CHST15: variants seen among roughly 807,000 people sequenced by gnomAD.
CHST15 encodes B cell RAG associated protein (GALNAC4S-6ST).
In CHST15, 30 loss-of-function variants were observed where a neutral mutation model predicts 53.6. The observed-to-expected ratio is 0.56, with a 90% CI of 0.42 to 0.76. The LOEUF is 0.76. CHST15 is among the 30% of genes least tolerant of loss of function. The pLI is 0.00. For missense variants in CHST15, 627 were observed against 740.5 expected, an observed-to-expected ratio of 0.85 and a Z score of 1.78; for synonymous variants, 296 against 289.8, an observed-to-expected ratio of 1.02 and a Z score of -0.22.
intron 1 of CHST15, among the ~76,000 whole-genome samples, chr10:124,077,783 G>C (rs1276652243): frequency 6.6e-6 from 1 of 152,230 alleles, no homozygotes; most frequent in Non-Finnish European, 1.5e-5. Flanking sequence ...GGCCGAGCCT[G>C]AGCAGCTCGC....
At chr10:124,039,225 A>G (rs925031310) in intron 4 of CHST15, among the ~76,000 whole-genome samples, 2 of 152,210 alleles carry the variant, frequency 1.3e-5, no homozygotes, top group Admixed American at 1.3e-4. Context: ...GGGGCCCAAG[A>G]TGATGAAAGG....
intron 5 of CHST15, among the ~76,000 whole-genome samples, chr10:124,023,832 A>G (rs548861490): frequency 6.8e-6 from 1 of 146,438 alleles, no homozygotes; most frequent in African/African-American, 2.5e-5. Context: ...TCTGACATCC[A>G]TATTTCCGTC....
intron 1 of CHST15, among the ~76,000 whole-genome samples, chr10:124,053,488 TTTTTC>T (rs1453919216): frequency 6.6e-6 from 1 of 151,790 alleles, no homozygotes; most frequent in African/African-American, 2.4e-5. Context: ...AAAGGGTTGA[TTTTTC>T]TTTTCTTTTT....
intron 1 of CHST15, among the ~76,000 whole-genome samples, chr10:124,087,321 T>C (rs1468390975): frequency 1.3e-5 from 2 of 152,170 alleles, no homozygotes; most frequent in Non-Finnish European, 2.9e-5. Flanking sequence ...TCTCCTTGTA[T>C]GCCCTCCCCC....
intron 5 of CHST15, among the ~76,000 whole-genome samples, chr10:124,034,453 G>C (rs1947342959): frequency 6.6e-6 from 1 of 152,004 alleles, no homozygotes; most frequent in Non-Finnish European, 1.5e-5. Context: ...ACTCACCTTT[G>C]TGGTGTTGGT....
At chr10:124,030,081 G>A (rs4244797) in intron 5 of CHST15, among the ~76,000 whole-genome samples, 124,454 of 152,212 alleles carry the variant, frequency 0.82, 51,039 homozygotes, top group East Asian at 0.92. Flanking sequence ...ACAGTGTTCA[G>A]CACTTGGGAG....
intron 6 of CHST15, 180 bp downstream of exon 6, chr10:124,021,076 A>G: frequency 6.8e-7 from 1 of 1,465,814 alleles, no homozygotes; most frequent in Non-Finnish European, 9.0e-7. Flanking sequence ...CCAGACCAAG[A>G]GCCCATCAGT....
At chr10:124,078,142 T>A (rs1488112696) in intron 1 of CHST15, among the ~76,000 whole-genome samples, 1 of 152,128 alleles carries the variant, frequency 6.6e-6, no homozygotes, top group Admixed American at 6.5e-5. Flanking sequence ...CCTCTTGCAT[T>A]GCAGGTAAAG....
Position 124,019,070 on chromosome 10 carries a change from C to A in CHST15, c.1347+2186G>T, listed in dbSNP as rs187124063. Among the ~76,000 whole-genome samples, 1 of 152,118 alleles carries A rather than the reference C, an allele frequency of 6.6e-6. No homozygotes were observed. Among genetic ancestry groups the A allele is most frequent in the Non-Finnish European group, 1.5e-5 (1 of 68,020 alleles). ...ATGCCAGGACTGAAGGTCCTCCATG[C>A]GAGGCCTGCAGGATGGAAGAGCCAC... On this transcript the variant is annotated intron_variant, in intron 6 of 7. Coordinates refer to ENST00000435907, the MANE Select transcript of CHST15 (RefSeq NM_001270764.2). This position sits in a 1 kb window ranked among gnomAD's most constrained non-coding sequence, Gnocchi z 4.6.
Position 124,010,844 on chromosome 10 carries a change from T to C in CHST15, c.1496-505A>G, listed in dbSNP as rs911450698. ...TGTGCGTCTTGCTGTGAAGTGGCCATAGGGAGGAGGGCTGGGAGGAGGCCA... is the reference window on the plus strand; with the variant it reads ...TGTGCGTCTTGCTGTGAAGTGGCCACAGGGAGGAGGGCTGGGAGGAGGCCA... On this transcript the variant is annotated intron_variant, in intron 7 of 7. Transcript: ENST00000435907. The C allele has an allele frequency of 5.1e-6, 5 of 985,232 alleles. No individual in the cohort carries two copies. The African/African-American group carries it at 5.2e-5, about 10-fold the overall frequency. 61.0% of individuals were successfully genotyped at this position (985,232 alleles called of 1,614,324 possible).
chr10:124,081,011 C>T (rs576201351), intron 1 of CHST15, among the ~76,000 whole-genome samples: 2 of 152,318 alleles, frequency 1.3e-5, no homozygotes, highest in South Asian at 4.1e-4. Flanking sequence ...AAGGAGACTC[C>T]TGGGCCTCCA....
At position 124,068,505 on chromosome 10, in the gene CHST15, G is replaced by A. The variant is rs532065832; in HGVS notation, c.-512-21781C>T. 3.3e-5 allele frequency among the ~76,000 whole-genome samples: 5 copies of A among 152,290 alleles called. No individual in the cohort carries two copies. In the South Asian group the frequency reaches 1.0e-3, roughly 32 times the overall value. The stretch of plus-strand genomic sequence containing the variant: ...CCTGCTCTTTGGCTTTTTAGCTGAT[G>A]GGCCGGGTACATGTCCAGTCTGGTC... On this transcript the variant is annotated intron_variant, in intron 1 of 7. Transcript: ENST00000435907.
At chr10:124,063,432 T>C (rs957394184) in intron 1 of CHST15, among the ~76,000 whole-genome samples, 5 of 152,084 alleles carry the variant, frequency 3.3e-5, no homozygotes, top group African/African-American at 1.2e-4. Flanking sequence ...CAATTTCCTC[T>C]AGCTTTTTAG....
At chr10:124,066,041 T>C (rs1948741636) in intron 1 of CHST15, among the ~76,000 whole-genome samples, 1 of 134,702 alleles carries the variant, frequency 7.4e-6, no homozygotes, top group African/African-American at 2.7e-5. Flanking sequence ...TTCTGTCTTT[T>C]TGTCTTTTTT....
At chr10:124,082,717 G>A (rs78460654) in intron 1 of CHST15, among the ~76,000 whole-genome samples, 2,183 of 152,306 alleles carry the variant, frequency 0.014, 70 homozygotes, top group East Asian at 0.11. Context: ...CTATCCCTGC[G>A]ATGGAATATT....
chr10:124,061,436 T>A (rs2134101987), intron 1 of CHST15, among the ~76,000 whole-genome samples: 1 of 152,352 alleles, frequency 6.6e-6, no homozygotes, highest in Admixed American at 6.5e-5. Context: ...CCCACCATGA[T>A]TCTGGGTCCT....
chr10:124,040,090 A>G (rs1947679561), intron 4 of CHST15, among the ~76,000 whole-genome samples: 1 of 152,150 alleles, frequency 6.6e-6, no homozygotes, highest in South Asian at 2.1e-4. Context: ...TGAAAATTCT[A>G]CTCACAATGA....
In CHST15 at chr10:124,077,542, G is replaced by A. The variant is rs150652106; in HGVS notation, c.-513+15927C>T. On this transcript the variant is annotated intron_variant, in intron 1 of 7. Transcript: ENST00000435907. Reference sequence around the variant, plus strand: ...TTTAAATGGGAAAATCTTTACCTTAGTTGAGTGATGTGCTCTGTCCACCAC... The same window carrying A: ...TTTAAATGGGAAAATCTTTACCTTAATTGAGTGATGTGCTCTGTCCACCAC... Among the ~76,000 whole-genome samples, 603 of 152,316 alleles carry A rather than the reference G, an allele frequency of 4.0e-3. 4 individuals are homozygous for A. The highest frequency in any genetic ancestry group is 6.8e-3 in the Non-Finnish European group (464 of 68,028).
At chr10:124,091,359 G>A (rs1241478399) in intron 1 of CHST15, among the ~76,000 whole-genome samples, 2 of 152,162 alleles carry the variant, frequency 1.3e-5, no homozygotes, top group African/African-American at 2.4e-5. Context: ...GCAGGAAAGC[G>A]GGGGATGGAT....
Sources: gnomAD v4.1 joint callset for allele counts (sites outside exome capture counted in the v4.1 genomes callset) on GRCh38, gnomAD v4.1.1 for gene constraint, Gnocchi (gnomAD v3.1) non-coding constraint, MANE v1.5 for transcripts, NCBI Gene and HGNC (gene_info 2026-07-23, HGNC 2026-07-21) for gene names.